Variants in EBF1 observed in about 807,000 individuals in gnomAD.
The protein encoded by EBF1 is transcription factor COE1.
A neutral mutation model predicts 68.4 loss-of-function variants in EBF1; 10 were observed. The observed-to-expected ratio is 0.15, with a 90% confidence interval of 0.09 to 0.25. The LOEUF is 0.25. EBF1 is among the 10% of genes least tolerant of loss of function. The probability of loss-of-function intolerance (pLI) is 1.00; values close to 1 mark genes in which losing one functional copy is unlikely to be tolerated. For missense variants in EBF1, 509 were observed against 794.4 expected, an observed-to-expected ratio of 0.64 and a Z score of 4.32; for synonymous variants, 298 against 299.8, an observed-to-expected ratio of 0.99 and a Z score of 0.06.
rs1312870934 is a variant in EBF1, at chr5:158,930,267, TTTTTG to T, written c.555-90162_555-90158del. On this transcript the variant is annotated intron_variant, in intron 6 of 15. Transcript: ENST00000313708. ...CTGTTTTCTAGTTTTTTTGTTTTTT[TTTTTG>T]TTTGTTTTTTTTTGGTTGTTAAGTC... 1.3e-4 allele frequency among the ~76,000 whole-genome samples: 14 copies of T among 110,070 alleles called. No homozygotes were observed. The South Asian group carries it at 1.7e-3, about 14-fold the overall frequency. 72.2% of individuals were successfully genotyped at this position (110,070 alleles called of 152,430 possible).
chr5:158,756,324 C>G (rs1770092638), intron 10 of EBF1, among the ~76,000 whole-genome samples: 1 of 151,870 alleles, frequency 6.6e-6, no homozygotes, highest in Admixed American at 6.6e-5. Context: ...AATCAGTCAT[C>G]TTGACCTGTG....
chr5:159,034,434 A>G (rs994295186), intron 6 of EBF1, among the ~76,000 whole-genome samples: 2 of 152,178 alleles, frequency 1.3e-5, no homozygotes, highest in Non-Finnish European at 2.9e-5. Flanking sequence ...AAGGTTGTAC[A>G]CTAAAGGCAG....
chr5:158,910,228 A>G (rs1427669356), intron 6 of EBF1, among the ~76,000 whole-genome samples: 3 of 152,184 alleles, frequency 2.0e-5, no homozygotes, highest in Admixed American at 1.3e-4. Context: ...CACTGTTCCT[A>G]TCAGAAACAG....
At chr5:158,705,596 G>A in intron 15 of EBF1, among the ~76,000 whole-genome samples, 1 of 152,206 alleles carries the variant, frequency 6.6e-6, no homozygotes, top group East Asian at 1.9e-4. Flanking sequence ...CACAAACTTT[G>A]TATATATCCC....
intron 11 of EBF1, among the ~76,000 whole-genome samples, chr5:158,716,467 G>A (rs1245690715): frequency 1.3e-5 from 2 of 152,102 alleles, no homozygotes; most frequent in Non-Finnish European, 2.9e-5. Context: ...CAGCAGTCTT[G>A]GATTTGAGGA....
chr5:158,867,551 C>T (rs1188897243), intron 6 of EBF1, among the ~76,000 whole-genome samples: 4 of 152,022 alleles, frequency 2.6e-5, no homozygotes, highest in South Asian at 2.1e-4. Context: ...CCATACACAG[C>T]GACAAAACTC....
At chr5:158,976,284 G>T (rs1756727091) in intron 6 of EBF1, among the ~76,000 whole-genome samples, 1 of 152,116 alleles carries the variant, frequency 6.6e-6, no homozygotes, top group Non-Finnish European at 1.5e-5. Flanking sequence ...ATGGTAATGG[G>T]ACTTAAACCT....
intron 6 of EBF1, among the ~76,000 whole-genome samples, chr5:158,841,762 C>T (rs1362413968): frequency 6.6e-6 from 1 of 152,202 alleles, no homozygotes; most frequent in East Asian, 1.9e-4. Flanking sequence ...TCCCTCTGCT[C>T]CTTGGTCTCT....
In EBF1 at chr5:158,977,672, G is replaced by A. The variant is rs141960864; in HGVS notation, c.554+95724C>T. ...AATTAAACTTATCTGTGTCATGTGC[G>A]TTTCCACAGCAAGATATGAAAGGGG... On this transcript the variant is annotated intron_variant, in intron 6 of 15. Coordinates refer to ENST00000313708, the MANE Select transcript of EBF1 (RefSeq NM_024007.5). 3.4e-3 allele frequency among the ~76,000 whole-genome samples: 519 copies of A among 152,266 alleles called. 5 individuals are homozygous for A. The highest frequency in any genetic ancestry group is 0.012 in the African/African-American group (480 of 41,540).
chr5:158,720,498 G>A (rs1310155138), intron 11 of EBF1, among the ~76,000 whole-genome samples: 1 of 152,124 alleles, frequency 6.6e-6, no homozygotes, highest in Non-Finnish European at 1.5e-5. Flanking sequence ...TATAATGAGG[G>A]CAGTGAGGGA....
At chr5:158,902,130 C>T (rs1240207268) in intron 6 of EBF1, among the ~76,000 whole-genome samples, 3 of 152,092 alleles carry the variant, frequency 2.0e-5, no homozygotes, top group Admixed American at 1.3e-4. Context: ...TTCTGATGCT[C>T]CTAACTTGAC....
At chr5:158,973,628 G>A (rs1756113252) in intron 6 of EBF1, among the ~76,000 whole-genome samples, 1 of 152,132 alleles carries the variant, frequency 6.6e-6, no homozygotes, top group Non-Finnish European at 1.5e-5. Flanking sequence ...CCCAATCTCA[G>A]TAACTATAAG....
Position 159,095,608 on chromosome 5 carries a change from C to G in EBF1, c.411+12G>C, listed in dbSNP as rs61732786. 2 of 1,613,736 alleles carry G rather than the reference C, an allele frequency of 1.2e-6. No individual in the cohort carries two copies. The highest frequency in any genetic ancestry group is 1.7e-6 in the Non-Finnish European group (2 of 1,179,830). On this transcript the variant is annotated intron_variant, in intron 4 of 15. Transcript: ENST00000313708. ...CATAGAGCCCCCCGTGGCCCAAAAT[C>G]AAGAAACTTACTTGTTTTGTCATGG...
chr5:159,038,249 A>T (rs13168341), intron 6 of EBF1, among the ~76,000 whole-genome samples: 1 of 152,068 alleles, frequency 6.6e-6, no homozygotes, highest in Non-Finnish European at 1.5e-5. Flanking sequence ...GCAAAAAGAT[A>T]AAACACCATG....
intron 10 of EBF1, among the ~76,000 whole-genome samples, chr5:158,763,894 C>T (rs1043051552): frequency 6.6e-6 from 1 of 152,148 alleles, no homozygotes; most frequent in Non-Finnish European, 1.5e-5. Flanking sequence ...GCTGCCTCCT[C>T]TACAAAATGT....
chr5:159,002,817 G>A (rs941254644), intron 6 of EBF1, among the ~76,000 whole-genome samples: 1 of 152,176 alleles, frequency 6.6e-6, no homozygotes, highest in Non-Finnish European at 1.5e-5. Flanking sequence ...AAGTAAAAAG[G>A]ATCTGTCATG....
At chr5:158,980,713 T>C (rs536574827) in intron 6 of EBF1, among the ~76,000 whole-genome samples, 1 of 152,346 alleles carries the variant, frequency 6.6e-6, no homozygotes. Context: ...GAATCTGTTT[T>C]ATTTTCTGCT....
chr5:159,042,811 T>C (rs1771486016), intron 6 of EBF1, among the ~76,000 whole-genome samples: 1 of 151,860 alleles, frequency 6.6e-6, no homozygotes, highest in South Asian at 2.1e-4. Context: ...TGGATGACTT[T>C]ATAGCATGTG....
chr5:158,915,675 C>T (rs553965313), intron 6 of EBF1, among the ~76,000 whole-genome samples: 1 of 152,230 alleles, frequency 6.6e-6, no homozygotes, highest in Non-Finnish European at 1.5e-5. Flanking sequence ...GTTGCCTTTT[C>T]ACGGAGGGAG....
Sources: gnomAD v4.1 joint callset for allele counts (sites outside exome capture counted in the v4.1 genomes callset) on GRCh38, gnomAD v4.1.1 for gene constraint, MANE v1.5 for transcripts, NCBI Gene and HGNC (gene_info 2026-07-23, HGNC 2026-07-21) for gene names.